Variants in GIGYF2 observed in about 807,000 individuals in gnomAD.
The protein encoded by GIGYF2 is GRB10 interacting GYF protein 2.
A neutral mutation model predicts 208.1 loss-of-function variants in GIGYF2; 25 were observed. That is an observed-to-expected ratio of 0.12 (90% confidence interval 0.09 to 0.17). The LOEUF is 0.17. Among genes scored for constraint, GIGYF2 ranks in the 10% least tolerant of loss-of-function variants. GIGYF2 has a pLI of 1.00. For synonymous variants in GIGYF2, 534 were observed against 543.8 expected (o/e 0.98, Z 0.25); for missense variants, 1,302 against 1,579.4 (o/e 0.82, Z 2.98).
chr2:232,828,495 C>T (rs1001459401), intron 21 of GIGYF2, among the ~76,000 whole-genome samples: 1 of 151,568 alleles, frequency 6.6e-6, no homozygotes, highest in African/African-American at 2.4e-5. Flanking sequence ...CTCTGTTGCC[C>T]ACAGTGAAGT....
At chr2:232,715,337 G>T (rs958669349) in intron 2 of GIGYF2, among the ~76,000 whole-genome samples, 1 of 152,154 alleles carries the variant, frequency 6.6e-6, no homozygotes, top group Non-Finnish European at 1.5e-5. Flanking sequence ...CATAGGTAAT[G>T]ATTCAGAATT....
intron 4 of GIGYF2, 146 bp from the exon 5 acceptor site, chr2:232,748,841 A>G (rs908221171): frequency 3.1e-6 from 2 of 643,526 alleles, no homozygotes; most frequent in African/African-American, 3.6e-5. Context: ...GGACTATAGA[A>G]GTCAATTATG....
At chr2:232,839,446 T>G (rs1432785697) in intron 22 of GIGYF2, among the ~76,000 whole-genome samples, 3 of 152,250 alleles carry the variant, frequency 2.0e-5, no homozygotes, top group African/African-American at 7.2e-5. Flanking sequence ...ACACTTTCAC[T>G]GGACAGCAGC....
intron 2 of GIGYF2, among the ~76,000 whole-genome samples, chr2:232,708,937 A>G (rs1696258332): frequency 1.3e-5 from 2 of 152,166 alleles, no homozygotes; most frequent in Non-Finnish European, 2.9e-5. Context: ...CCTGGGCAAC[A>G]TGGAGAATCT....
chr2:232,851,838 A>G (rs1393540672), intron 28 of GIGYF2, among the ~76,000 whole-genome samples: 4 of 152,244 alleles, frequency 2.6e-5, no homozygotes, highest in Admixed American at 1.3e-4. Context: ...AGGGCAGAAC[A>G]GTGAGGAGGC....
intron 14 of GIGYF2, among the ~76,000 whole-genome samples, chr2:232,799,743 A>T (rs1700335105): frequency 6.6e-6 from 1 of 152,118 alleles, no homozygotes; most frequent in Non-Finnish European, 1.5e-5. Flanking sequence ...ATACCATTTT[A>T]CATTCTCAAA....
At chr2:232,712,566 T>C (rs1401416208) in intron 2 of GIGYF2, among the ~76,000 whole-genome samples, 1 of 152,206 alleles carries the variant, frequency 6.6e-6, no homozygotes, top group Non-Finnish European at 1.5e-5. Context: ...GTTTTCCCCA[T>C]CACTGCACAG....
chr2:232,810,006 GAGAC>G (rs1208654594), intron 16 of GIGYF2, among the ~76,000 whole-genome samples, 195 bp downstream of exon 16: 2 of 151,222 alleles, frequency 1.3e-5, no homozygotes, highest in Non-Finnish European at 2.9e-5. Flanking sequence ...ATTTATTTTT[GAGAC>G]AGAGCCTCAC....
At chr2:232,742,620 G>A (rs955697569) in intron 3 of GIGYF2, among the ~76,000 whole-genome samples, 16 of 152,274 alleles carry the variant, frequency 1.1e-4, no homozygotes, top group Middle Eastern at 3.4e-3. Context: ...CGTTCAGGAT[G>A]CATTTGCAGC....
rs372674975 is a variant in GIGYF2 at position 232,739,366 on chromosome 2, C to T, written c.41+4128C>T. ...AGCCTGGGCAACAAAAGCAAACCCC[C>T]CCCCCCCCGCAAAAAAAAAGAAAAG... On this transcript the variant is annotated intron_variant, in intron 3 of 28. Transcript: ENST00000373563. Among the ~76,000 whole-genome samples, 960 of 128,770 alleles carry T rather than the reference C, an allele frequency of 7.5e-3. 42 individuals are homozygous for T. Among genetic ancestry groups the T allele is most frequent in the African/African-American group, 0.028 (874 of 31,506 alleles). The allele number at this position is 128,770 out of a possible 152,430, so 84.5% of individuals were successfully genotyped here.
intron 8 of GIGYF2, among the ~76,000 whole-genome samples, chr2:232,774,122 A>C (rs79039982): frequency 1.4e-5 from 2 of 141,100 alleles, no homozygotes; most frequent in African/African-American, 5.5e-5. Flanking sequence ...TCTCTAAAAG[A>C]AAAAAAAAAA....
intron 1 of GIGYF2, among the ~76,000 whole-genome samples, chr2:232,697,748 G>T (rs1247775066): frequency 6.6e-6 from 1 of 152,220 alleles, no homozygotes; most frequent in Admixed American, 6.5e-5. Context: ...AGGCCGGCTT[G>T]CTCGGAGCTG....
chr2:232,840,727 G>A (rs1390759752), intron 23 of GIGYF2, among the ~76,000 whole-genome samples: 1 of 152,236 alleles, frequency 6.6e-6, no homozygotes, highest in Non-Finnish European at 1.5e-5. Flanking sequence ...GGGAAGGTGG[G>A]TAGGGAGAGT....
intron 5 of GIGYF2, among the ~76,000 whole-genome samples, chr2:232,754,096 C>T (rs555568239): frequency 7.3e-5 from 11 of 151,470 alleles, no homozygotes; most frequent in Middle Eastern, 3.4e-3. Context: ...ACCTGGAAGG[C>T]GGAGGTTGCA....
rs746131484 is a variant in GIGYF2, at chr2:232,796,133, A to G, written c.1551A>G (p.Gln517=). The G allele has an allele frequency of 6.9e-6, 11 of 1,601,466 alleles. No homozygotes were observed. Among genetic ancestry groups the G allele is most frequent in the Non-Finnish European group, 1.7e-6 (2 of 1,168,456 alleles). The change falls in exon 14 of 29, where the codon CAA becomes CAG. Residue 517 remains glutamine, a synonymous_variant. Transcript: ENST00000373563. The stretch of plus-strand genomic sequence containing the variant: ...ATGAAAGATTGGCATCAAAACTGCA[A>G]GAGCACAGAGCTAAAGGAGTGTCGA... ...LDDERLASKL[Q]EHRAKGVSIP...
intron 2 of GIGYF2, among the ~76,000 whole-genome samples, chr2:232,728,529 G>T (rs1697309661): frequency 6.6e-6 from 1 of 152,164 alleles, no homozygotes; most frequent in Admixed American, 6.5e-5. Context: ...AGGCTTTTGA[G>T]ACTGGCTGAC....
rs1463220552 is a variant in GIGYF2 at position 232,806,666 on chromosome 2, C to G, written c.1806+9C>G. 1 of 1,591,448 alleles carries G rather than the reference C, an allele frequency of 6.3e-7. No individual in the cohort carries two copies. Among genetic ancestry groups the G allele is most frequent in the African/African-American group, 1.3e-5 (1 of 74,526 alleles). ...CTCCCCCTCCTCATATGGTAAGTAC[C>G]TTTCACCTCACCTGGAATACATATT... On this transcript the variant is annotated intron_variant, in intron 15 of 28. Coordinates refer to ENST00000373563, the MANE Select transcript of GIGYF2 (RefSeq NM_001103146.3). The surrounding 1 kb of genome is among the most constrained non-coding windows in gnomAD (Gnocchi z 4.0).
Position 232,788,530 on chromosome 2 carries a change from A to C in GIGYF2, c.712+1201A>C, listed in dbSNP as rs370496501. The C allele has an allele frequency of 3.0e-5, 14 of 470,068 alleles. No individual in the cohort carries two copies. In the East Asian group the frequency reaches 3.5e-4, roughly 12 times the overall value. The allele number at this position is 470,068 out of a possible 1,614,324, so 29.1% of individuals were successfully genotyped here. ...TATGTTCCCAACAAGCATTCAGTGA[A>C]GAATGGATAGGATCTGGGCTGAGAG... On this transcript the variant is annotated intron_variant, in intron 9 of 28. Coordinates refer to ENST00000373563, the MANE Select transcript of GIGYF2 (RefSeq NM_001103146.3).
At chr2:232,827,109 T>C (rs1417754668) in intron 21 of GIGYF2, among the ~76,000 whole-genome samples, 1 of 152,214 alleles carries the variant, frequency 6.6e-6, no homozygotes, top group Non-Finnish European at 1.5e-5. Flanking sequence ...GCTGACTCTC[T>C]TGTTAGCGGT....
Sources: gnomAD v4.1 joint callset for allele counts (sites outside exome capture counted in the v4.1 genomes callset) on GRCh38, gnomAD v4.1.1 for gene constraint, Gnocchi (gnomAD v3.1) non-coding constraint, MANE v1.5 for transcripts, NCBI Gene and HGNC (gene_info 2026-07-23, HGNC 2026-07-21) for gene names.